Variants in CUL3 observed in about 807,000 individuals in gnomAD.
The protein encoded by CUL3 is cullin-3.
A neutral mutation model predicts 89.1 loss-of-function variants in CUL3; 19 were observed. The ratio of observed to expected loss-of-function variants is 0.21; its 90% confidence interval spans 0.15 to 0.31. The LOEUF is 0.31. CUL3 is among the 10% of genes least tolerant of loss of function. CUL3 has a pLI of 1.00. For synonymous variants in CUL3, 351 were observed against 308.4 expected (o/e 1.14, Z -1.45); for missense variants, 469 against 942.3 (o/e 0.50, Z 6.58).
rs761267638 is a variant in CUL3 at position 224,471,829 on chromosome 2, G to C, written c.*2416C>G. 4 of 229,052 alleles carry C rather than the reference G, an allele frequency of 1.7e-5. No individual in the cohort carries two copies. Among genetic ancestry groups the C allele is most frequent in the Non-Finnish European group, 3.5e-5 (4 of 115,608 alleles). 14.2% of individuals were successfully genotyped at this position (229,052 alleles called of 1,614,324 possible). On this transcript the variant is annotated 3_prime_UTR_variant, in exon 16 of 16. Coordinates refer to ENST00000264414, the MANE Select transcript of CUL3 (RefSeq NM_003590.5). Reference sequence around the variant, plus strand: ...TTAACAGTTACTGAAGAGATGACATGATTTTTGCAGTTGAAAAACTATGTA... The same window carrying C: ...TTAACAGTTACTGAAGAGATGACATCATTTTTGCAGTTGAAAAACTATGTA...
chr2:224,535,157 T>C (rs1693840567), intron 3 of CUL3, among the ~76,000 whole-genome samples: 1 of 152,164 alleles, frequency 6.6e-6, no homozygotes, highest in African/African-American at 2.4e-5. Context: ...GTACTATAAC[T>C]AAGTTAGACA....
At chr2:224,489,832 A>G (rs1190123115) in intron 13 of CUL3, among the ~76,000 whole-genome samples, 1 of 152,246 alleles carries the variant, frequency 6.6e-6, no homozygotes, top group African/African-American at 2.4e-5. Context: ...AAGCAACTGC[A>G]ACAAAAGCCA....
At chr2:224,541,837 GA>G (rs145302208) in intron 2 of CUL3, among the ~76,000 whole-genome samples, 2 of 149,280 alleles carry the variant, frequency 1.3e-5, no homozygotes, top group East Asian at 1.9e-4. Flanking sequence ...TGACATTCTT[GA>G]AAAAAAAAAT....
intron 3 of CUL3, among the ~76,000 whole-genome samples, chr2:224,527,158 G>A (rs972768571): frequency 1.3e-5 from 2 of 152,210 alleles, no homozygotes; most frequent in Admixed American, 6.5e-5. Context: ...AAATGTTGAA[G>A]AGGTATAGCC....
chr2:224,580,746 T>C (rs1005782718), intron 1 of CUL3, among the ~76,000 whole-genome samples: 3 of 152,220 alleles, frequency 2.0e-5, no homozygotes, highest in Non-Finnish European at 2.9e-5. Flanking sequence ...GATGGGAATT[T>C]ATCTGGAGTA....
chr2:224,556,078 G>A (rs1000131080), intron 2 of CUL3, among the ~76,000 whole-genome samples: 17 of 152,088 alleles, frequency 1.1e-4, no homozygotes, highest in African/African-American at 4.1e-4. Context: ...CTAACTGCGT[G>A]GCTCATGTAA....
intron 2 of CUL3, among the ~76,000 whole-genome samples, chr2:224,556,827 T>C (rs2106302407): frequency 6.6e-6 from 1 of 152,182 alleles, no homozygotes; most frequent in East Asian, 1.9e-4. Flanking sequence ...GTAACAGTAA[T>C]TATAACACAT....
Position 224,580,874 on chromosome 2 carries a change from G to A in CUL3, c.66+4070C>T, listed in dbSNP as rs557386908. On this transcript the variant is annotated intron_variant, in intron 1 of 15. Transcript: ENST00000264414. Reference sequence around the variant, plus strand: ...TTTTGTAAAACAATCTGAGATGAGTGCTTGAGATTTTTTTTTTTTTTTAAG... The same window carrying A: ...TTTTGTAAAACAATCTGAGATGAGTACTTGAGATTTTTTTTTTTTTTTAAG... Among the ~76,000 whole-genome samples the A allele has an allele frequency of 6.0e-5, 6 of 100,084 alleles. No individual in the cohort carries two copies. In the South Asian group the frequency reaches 2.2e-3, roughly 36 times the overall value. The allele number at this position is 100,084 out of a possible 152,430, so 65.7% of individuals were successfully genotyped here.
intron 14 of CUL3, 135 bp from the exon 15 acceptor site, chr2:224,478,480 G>T: frequency 3.0e-6 from 2 of 668,066 alleles, no homozygotes; most frequent in Non-Finnish European, 4.8e-6. Context: ...ATTAATTCAA[G>T]TACGCATTCA....
At chr2:224,575,596 CA>C in intron 1 of CUL3, among the ~76,000 whole-genome samples, 1 of 152,176 alleles carries the variant, frequency 6.6e-6, no homozygotes, top group East Asian at 1.9e-4. Context: ...TAACACCTTG[CA>C]TTTATGTATA....
At chr2:224,564,668 G>C (rs1190176548) in intron 1 of CUL3, among the ~76,000 whole-genome samples, 1 of 152,066 alleles carries the variant, frequency 6.6e-6, no homozygotes, top group Non-Finnish European at 1.5e-5. Flanking sequence ...CCTGTGGATG[G>C]GGTGGGGACT....
chr2:224,584,283 C>CT (rs1481142963), intron 1 of CUL3, among the ~76,000 whole-genome samples: 2 of 152,096 alleles, frequency 1.3e-5, no homozygotes, highest in Non-Finnish European at 2.9e-5. Context: ...TGTTGCTTCC[C>CT]CCCCACCCGG....
rs2106304396 is a variant in CUL3 at position 224,557,722 on chromosome 2, A to G, written c.201T>C (p.His67=). 4 of 1,612,448 alleles carry G rather than the reference A, an allele frequency of 2.5e-6. No individual in the cohort carries two copies. Among genetic ancestry groups the G allele is most frequent in the Non-Finnish European group, 3.4e-6 (4 of 1,178,980 alleles). The change falls in exon 2 of 16, where the codon CAT becomes CAC. Residue 67 remains histidine (H), a synonymous_variant. Transcript: ENST00000264414. ...LYRNAYTMVL[H]KHGEKLYTGL... is the part of the protein sequence containing the mutation. Reference sequence around the variant, plus strand: ...CAGTGTAGAGCTTTTCTCCATGTTTATGCAAAACCATTGTATATGCATTTC... The same window carrying G: ...CAGTGTAGAGCTTTTCTCCATGTTTGTGCAAAACCATTGTATATGCATTTC...
At chr2:224,553,104 T>G (rs572165691) in intron 2 of CUL3, among the ~76,000 whole-genome samples, 35 of 152,258 alleles carry the variant, frequency 2.3e-4, no homozygotes, top group Non-Finnish European at 4.7e-4. Context: ...GGTCCTACCT[T>G]AGGAAACAAA....
chr2:224,570,328 A>C (rs1695154981), intron 1 of CUL3, among the ~76,000 whole-genome samples: 1 of 152,236 alleles, frequency 6.6e-6, no homozygotes, highest in Admixed American at 6.5e-5. Context: ...AAAACAGCCC[A>C]GTGGGACACA....
intron 1 of CUL3, among the ~76,000 whole-genome samples, chr2:224,582,758 T>C (rs1451534833): frequency 1.3e-5 from 2 of 152,190 alleles, no homozygotes; most frequent in Non-Finnish European, 2.9e-5. Context: ...CTCCCACCTC[T>C]TCTCCCCAAC....
chr2:224,512,329 A>G (rs1200447378), intron 5 of CUL3, among the ~76,000 whole-genome samples: 1 of 152,020 alleles, frequency 6.6e-6, no homozygotes, highest in African/African-American at 2.4e-5. Flanking sequence ...ATCTCCTGAT[A>G]TAGTGATCCA....
At chr2:224,581,505 TTTC>T (rs1343828748) in intron 1 of CUL3, among the ~76,000 whole-genome samples, 3 of 151,372 alleles carry the variant, frequency 2.0e-5, no homozygotes, top group South Asian at 2.1e-4. Flanking sequence ...TAATTTTTCT[TTTC>T]TTTTTTTTTT....
chr2:224,550,515 T>C (rs1040473199), intron 2 of CUL3, among the ~76,000 whole-genome samples: 3 of 152,202 alleles, frequency 2.0e-5, no homozygotes, highest in South Asian at 2.1e-4. Flanking sequence ...CTCGGATAAT[T>C]TGATTTGCAT....
Sources: gnomAD v4.1 joint callset for allele counts (sites outside exome capture counted in the v4.1 genomes callset) on GRCh38, gnomAD v4.1.1 for gene constraint, MANE v1.5 for transcripts, NCBI Gene and HGNC (gene_info 2026-07-23, HGNC 2026-07-21) for gene names.